The following P4HB variants were observed in gnomAD, a reference collection of about 807,000 sequenced individuals.
The protein encoded by P4HB is prolyl 4-hydroxylase subunit beta.
In P4HB, 20 loss-of-function variants were observed where a neutral mutation model predicts 52.6. The observed-to-expected ratio is 0.38, with a 90% CI of 0.27 to 0.55. The LOEUF (loss-of-function observed/expected upper bound fraction) is 0.55. Ranked by LOEUF, P4HB falls within the 20% of genes least tolerant of loss-of-function variation. P4HB has a pLI of 0.74. For missense variants in P4HB, 601 were observed against 669.2 expected, an observed-to-expected ratio of 0.90 and a Z score of 1.12; for synonymous variants, 296 against 277.9, an observed-to-expected ratio of 1.07 and a Z score of -0.65.
intron 2 of P4HB, 184 bp downstream of exon 2, chr17:81,858,997 A>T (rs1254906965): frequency 6.6e-6 from 4 of 602,578 alleles, no homozygotes; most frequent in African/African-American, 1.9e-5. Context: ...AGGTTCTTCC[A>T]GGATGAAAAC....
chr17:81,847,051 C>T lies in P4HB; in HGVS notation c.751G>A (p.Gly251Ser). The T allele has an allele frequency of 6.2e-7, 1 of 1,614,064 alleles. No individual in the cohort carries two copies. Among genetic ancestry groups the T allele is most frequent in the Non-Finnish European group, 8.5e-7 (1 of 1,179,992 alleles). The change falls in exon 6 of 11, where the codon GGT (glycine) becomes AGT (serine). Residue 251 changes from glycine to serine, a missense_variant. Physicochemically the swap from Gly to Ser is moderately conservative, Grantham distance 56. Transcript: ENST00000331483. ...AGCAGGATGTGAGTCTTGATTTCAC[C>T]TCCAAAAATCTTCGGGGCTGTCTGT... is the stretch of plus-strand genomic sequence containing the variant. ...TEQTAPKIFG[G>S]EIKTHILLFL...
chr17:81,848,478 G>T (rs945417712), intron 4 of P4HB, among the ~76,000 whole-genome samples: 1 of 152,160 alleles, frequency 6.6e-6, no homozygotes, highest in South Asian at 2.1e-4. Context: ...GCTCAGGCCT[G>T]TAAGCCCAGC....
At position 81,854,900 on chromosome 17, in the gene P4HB, G is replaced by C. The variant is rs567086025; in HGVS notation, c.624+242C>G. On this transcript the variant is annotated intron_variant, in intron 4 of 10. Transcript: ENST00000331483. ...TATCATAATTGAAAAAAAAAAAAAA[G>C]CTAACAGTCAAAAGCAGTTCTGAGG... Among the ~76,000 whole-genome samples, 7 of 146,280 alleles carry C rather than the reference G, an allele frequency of 4.8e-5. No homozygotes were observed. The South Asian group carries it at 1.5e-3, about 31-fold the overall frequency.
At chr17:81,848,861 A>C (rs1047312958) in intron 4 of P4HB, among the ~76,000 whole-genome samples, 2 of 150,798 alleles carry the variant, frequency 1.3e-5, no homozygotes, top group Admixed American at 1.3e-4. Flanking sequence ...CCTGGCCAAC[A>C]TGGTGAAACC....
rs892804998 is a variant in P4HB, at chr17:81,856,411, C to T, written c.353-825G>A. On this transcript the variant is annotated intron_variant, in intron 2 of 10. Coordinates refer to ENST00000331483, the MANE Select transcript of P4HB (RefSeq NM_000918.4). ...GGAGTGCAATAGTGTGATCTCGGCT[C>T]ACTGCAACCTCCACCTCCCGGGTTC... Among the ~76,000 whole-genome samples, 8 of 146,706 alleles carry T rather than the reference C, an allele frequency of 5.5e-5. 1 individual carries two copies. The Admixed American group carries it at 5.5e-4, about 10-fold the overall frequency.
rs1211058073 is a variant in P4HB, at chr17:81,845,576, G to A, written c.1344C>T (p.Ala448=). The change falls in exon 9 of 11, where the codon GCC becomes GCT. Residue 448 remains alanine, a synonymous_variant. Transcript: ENST00000331483. The part of the protein sequence containing the change: ...HSFPTLKFFP[A]SADRTVIDYN... ...GAAGGCGCACCGTCCTGTCGGCACT[G>A]GCAGGAAAGAACTTGAGTGTGGGGA... The A allele has an allele frequency of 6.2e-7, 1 of 1,604,440 alleles. No individual in the cohort carries two copies. The highest frequency in any genetic ancestry group is 1.7e-5 in the Admixed American group (1 of 59,458).
intron 10 of P4HB, among the ~76,000 whole-genome samples, chr17:81,844,923 C>T (rs527442059): frequency 3.4e-4 from 52 of 152,386 alleles, no homozygotes; most frequent in African/African-American, 1.2e-3. Context: ...CCTTCAACGT[C>T]GTCCCCTAAA....
In P4HB at chr17:81,847,467, C is replaced by G. The variant is rs941639355; in HGVS notation, c.625-120G>C. ...GCAGCCCTGCCCTCCCGTGGGGTTT[C>G]GAGCCACAGGTCCAGCAATGGGTAC... On this transcript the variant is annotated intron_variant, in intron 4 of 10. Transcript: ENST00000331483. 21 of 791,600 alleles carry G rather than the reference C, an allele frequency of 2.7e-5. 1 individual carries two copies. The highest frequency in any genetic ancestry group is 1.1e-4 in the South Asian group (8 of 70,852). The allele number at this position is 791,600 out of a possible 1,614,324, so 49.0% of individuals were successfully genotyped here. A position where few individuals can be genotyped will look rare whatever the true frequency, so the allele number is the denominator to read the frequency against.
rs200009781 is a variant in P4HB, at chr17:81,846,385, G to A, written c.1056+44C>T. 1.1e-5 allele frequency: 18 copies of A among 1,580,212 alleles called. No individual in the cohort carries two copies. In the African/African-American group the frequency reaches 1.6e-4, roughly 14 times the overall value. Reference sequence around the variant, plus strand: ...GAGAGCCCAGAGACCCCAAGGTGGCGGCTCTACCCGGGAGGCAGCCCTGGC... The same window carrying A: ...GAGAGCCCAGAGACCCCAAGGTGGCAGCTCTACCCGGGAGGCAGCCCTGGC... On this transcript the variant is annotated intron_variant, in intron 7 of 10. Coordinates refer to ENST00000331483, the MANE Select transcript of P4HB (RefSeq NM_000918.4). This position sits in a 1 kb window ranked among gnomAD's most constrained non-coding sequence, Gnocchi z 5.7.
intron 4 of P4HB, among the ~76,000 whole-genome samples, chr17:81,851,585 C>G (rs111243731): frequency 3.3e-4 from 51 of 152,338 alleles, no homozygotes; most frequent in African/African-American, 1.2e-3. Context: ...CCCAGTGGCA[C>G]GGGTGGGCTC....
intron 10 of P4HB, 110 bp downstream of exon 10, chr17:81,845,034 C>T (rs1034404390): frequency 5.6e-6 from 5 of 893,782 alleles, no homozygotes; most frequent in East Asian, 5.3e-5. Flanking sequence ...GACGCACAGA[C>T]GTGCCTCCAA....
intron 2 of P4HB, among the ~76,000 whole-genome samples, chr17:81,857,711 T>C (rs1160728563): frequency 3.3e-5 from 5 of 152,184 alleles, no homozygotes; most frequent in Non-Finnish European, 7.3e-5. Context: ...CACACTTTTA[T>C]GCCACCAAAG....
intron 4 of P4HB, among the ~76,000 whole-genome samples, chr17:81,853,142 G>T (rs1227831871): frequency 6.6e-6 from 1 of 152,108 alleles, no homozygotes; most frequent in Non-Finnish European, 1.5e-5. Flanking sequence ...TTGAGGAAGT[G>T]GCTGCAAAAA....
chr17:81,844,913 C>A (rs930636747), intron 10 of P4HB, among the ~76,000 whole-genome samples: 1 of 152,268 alleles, frequency 6.6e-6, no homozygotes. Flanking sequence ...TTTAAAGATG[C>A]CTTCAACGTC....
chr17:81,857,551 T>G (rs1445652602), intron 2 of P4HB, among the ~76,000 whole-genome samples: 5 of 152,166 alleles, frequency 3.3e-5, no homozygotes, highest in Non-Finnish European at 7.4e-5. Context: ...AGGTGGACAG[T>G]AACTCAAAAC....
rs2143355014 is a variant in P4HB, at chr17:81,855,651, C to T, written c.353-65G>A. On this transcript the variant is annotated intron_variant, in intron 2 of 10. Coordinates refer to ENST00000331483, the MANE Select transcript of P4HB (RefSeq NM_000918.4). The surrounding 1 kb of genome is among the most constrained non-coding windows in gnomAD (Gnocchi z 4.3). ...AGTGCCGCCTGCCCTGCCGCGCCTGCTCCCGTCTCTGCTCTCTGCCAGCCA... is the reference window on the plus strand; with the variant it reads ...AGTGCCGCCTGCCCTGCCGCGCCTGTTCCCGTCTCTGCTCTCTGCCAGCCA... The T allele has an allele frequency of 1.3e-6, 2 of 1,554,474 alleles. No individual in the cohort carries two copies. Among genetic ancestry groups the T allele is most frequent in the Admixed American group, 1.8e-5 (1 of 56,926 alleles).
Position 81,859,354 on chromosome 17 carries a change from GC to G in P4HB, c.178del (p.Ala60ProfsTer11). ...APWCGHCKAL[A>X]PEYAKAAGKL... is the part of the protein sequence containing the mutation. ...CCCAGCGGCTTTGGCATACTCAGGG[GC>G]CAGAGCCTTGCAGTGGCCACACCAA... On this transcript the variant is annotated frameshift_variant, in exon 2 of 11. Transcript: ENST00000331483. LOFTEE classifies it high-confidence loss of function. 1 of 1,613,838 alleles carries G rather than the reference GC, an allele frequency of 6.2e-7. No homozygotes were observed. The highest frequency in any genetic ancestry group is 8.5e-7 in the Non-Finnish European group (1 of 1,180,016).
chr17:81,858,897 C>A, intron 2 of P4HB: 1 of 425,482 alleles, frequency 2.4e-6, no homozygotes, highest in Non-Finnish European at 4.4e-6. Flanking sequence ...AGAAAGGCAC[C>A]AGTCTCCCTC....
At chr17:81,852,918 C>T (rs1478392936) in intron 4 of P4HB, among the ~76,000 whole-genome samples, 1 of 152,242 alleles carries the variant, frequency 6.6e-6, no homozygotes, top group East Asian at 1.9e-4. Context: ...ACCCAAGTTT[C>T]AGGACAAGAC....
Sources: allele counts gnomAD v4.1 joint callset (sites outside exome capture counted in the v4.1 genomes callset), GRCh38; gene constraint gnomAD v4.1.1; non-coding constraint Gnocchi (gnomAD v3.1); transcripts MANE v1.5; gene names NCBI Gene and HGNC (gene_info 2026-07-23, HGNC 2026-07-21).